LCP2: variants seen among roughly 807,000 people sequenced by gnomAD.
LCP2 encodes 76 kDa tyrosine phosphoprotein.
LCP2 carries 29 observed loss-of-function variants against 74.5 expected under a neutral mutation model. That is an observed-to-expected ratio of 0.39 (90% confidence interval 0.29 to 0.53). LCP2 has a LOEUF of 0.53. LCP2 is among the 20% of genes least tolerant of loss of function. The probability of loss-of-function intolerance (pLI) is 0.72; values close to 1 mark genes in which losing one functional copy is unlikely to be tolerated. For missense variants in LCP2, 604 were observed against 634.6 expected (o/e 0.95, Z 0.52); for synonymous variants, 228 against 229.5 (o/e 0.99, Z 0.06).
At chr5:170,283,392 A>G (rs1762135378) in intron 3 of LCP2, among the ~76,000 whole-genome samples, 1 of 152,190 alleles carries the variant, frequency 6.6e-6, no homozygotes, top group African/African-American at 2.4e-5. Context: ...TTAAGATGAA[A>G]AAGGATCTTC....
Position 170,275,877 on chromosome 5 carries a change from C to A in LCP2, c.189-17G>T, listed in dbSNP as rs1226117206. 11 of 1,552,844 alleles carry A rather than the reference C, an allele frequency of 7.1e-6. No homozygotes were observed. In the Admixed American group the frequency reaches 1.3e-4, roughly 19 times the overall value. On this transcript the variant is annotated splice_polypyrimidine_tract_variant and intron_variant, in intron 3 of 20. Transcript: ENST00000046794. The stretch of plus-strand genomic sequence containing the variant: ...CTGAGAATCCTGCAAGATAAAGAGA[C>A]AGATGAAGAGATAAAACCATCACTC...
chr5:170,266,993 C>A lies in LCP2; in HGVS notation c.688+16G>T, dbSNP rs1761773116. 6.2e-7 allele frequency: 1 copy of A among 1,613,730 alleles called. No individual in the cohort carries two copies. Among genetic ancestry groups the A allele is most frequent in the Non-Finnish European group, 8.5e-7 (1 of 1,179,770 alleles). On this transcript the variant is annotated intron_variant, in intron 9 of 20. Coordinates refer to ENST00000046794, the MANE Select transcript of LCP2 (RefSeq NM_005565.5). Reference sequence around the variant, plus strand: ...CTGGTGGGAACAGGGCAAGAGAGAGCAGCCCTTGTACTCACGCTTTGCCGT... The same window carrying A: ...CTGGTGGGAACAGGGCAAGAGAGAGAAGCCCTTGTACTCACGCTTTGCCGT...
At chr5:170,271,636 G>A (rs1171801837) in intron 6 of LCP2, among the ~76,000 whole-genome samples, 1 of 151,950 alleles carries the variant, frequency 6.6e-6, no homozygotes, top group African/African-American at 2.4e-5. Flanking sequence ...CCGAGGTGCT[G>A]GATGCTTGCC....
intron 3 of LCP2, among the ~76,000 whole-genome samples, chr5:170,280,210 TCA>T (rs1324237176): frequency 6.6e-6 from 1 of 151,880 alleles, no homozygotes; most frequent in African/African-American, 2.4e-5. Context: ...TTCCCTGGGC[TCA>T]GATTTCAGAC....
intron 14 of LCP2, among the ~76,000 whole-genome samples, 155 bp from the exon 15 acceptor site, chr5:170,259,033 T>C (rs567733681): frequency 2.0e-5 from 3 of 152,366 alleles, no homozygotes; most frequent in South Asian, 2.1e-4. Flanking sequence ...TGGAGAATAA[T>C]AGAAGTTGCT....
At chr5:170,292,340 G>A (rs1762307643) in intron 2 of LCP2, among the ~76,000 whole-genome samples, 1 of 152,166 alleles carries the variant, frequency 6.6e-6, no homozygotes, top group Admixed American at 6.5e-5. Flanking sequence ...TGCCTAGAAA[G>A]GGGCAGATGA....
At chr5:170,290,936 GAAGAAAGA>G (rs1230195624) in intron 2 of LCP2, among the ~76,000 whole-genome samples, 1 of 125,410 alleles carries the variant, frequency 8.0e-6, no homozygotes, top group Admixed American at 8.6e-5. Context: ...GAGAGAGAAA[GAAGAAAGA>G]AAGAAAGAAA....
In LCP2 at chr5:170,253,169, G is replaced by C; in HGVS notation, c.1195C>G (p.Pro399Ala). The part of the protein sequence containing the change: ...PPIRAEGRNF[P>A]LPLPNKPRPP... The stretch of plus-strand genomic sequence containing the variant: ...CGAGGTTTGTTTGGAAGTGGCAAGG[G>C]GAAGTTTCTGCCTTCGGCTCTGATA... The change falls in exon 18 of 21, where the codon CCC becomes GCC. Residue 399 changes from proline to alanine, a missense_variant. By Grantham distance (27) the Pro-to-Ala change is conservative (BLOSUM62 -1). Transcript: ENST00000046794. 1 of 1,612,072 alleles carries C rather than the reference G, an allele frequency of 6.2e-7. No individual in the cohort carries two copies. Among genetic ancestry groups the C allele is most frequent in the Non-Finnish European group, 8.5e-7 (1 of 1,179,090 alleles).
intron 5 of LCP2, among the ~76,000 whole-genome samples, chr5:170,274,909 A>G (rs1004218953): frequency 1.7e-4 from 25 of 151,292 alleles, no homozygotes; most frequent in Non-Finnish European, 3.2e-4. Context: ...CCCGGGAGGC[A>G]GAGCTTGCAG....
In LCP2 at chr5:170,247,128, T is replaced by A. The variant is rs1362229816; in HGVS notation, c.*1569A>T. The A allele has an allele frequency of 1.3e-5, 2 of 152,236 alleles. No individual in the cohort carries two copies. Among genetic ancestry groups the A allele is most frequent in the African/African-American group, 4.8e-5 (2 of 41,466 alleles). The allele number at this position is 152,236 out of a possible 1,614,324, so 9.4% of individuals were successfully genotyped here. On this transcript the variant is annotated 3_prime_UTR_variant, in exon 21 of 21. Coordinates refer to ENST00000046794, the MANE Select transcript of LCP2 (RefSeq NM_005565.5). ...CGATACTAGAACCTATGGTGTATGCTATCCTTACTACCTTGTACCTAGCTC... is the reference window on the plus strand; with the variant it reads ...CGATACTAGAACCTATGGTGTATGCAATCCTTACTACCTTGTACCTAGCTC...
chr5:170,273,590 C>T (rs315738), intron 6 of LCP2, among the ~76,000 whole-genome samples: 2,403 of 152,212 alleles, frequency 0.016, 62 homozygotes, highest in African/African-American at 0.054. Flanking sequence ...ACGCACGTCA[C>T]GTTCTGCTCT....
chr5:170,280,823 C>T (rs1158263493), intron 3 of LCP2, among the ~76,000 whole-genome samples: 1 of 152,116 alleles, frequency 6.6e-6, no homozygotes, highest in Non-Finnish European at 1.5e-5. Flanking sequence ...GCCTGGCCAA[C>T]ATGGCAAAAC....
intron 6 of LCP2, chr5:170,273,988 A>G: frequency 2.6e-6 from 1 of 381,396 alleles, no homozygotes; most frequent in Non-Finnish European, 4.9e-6. Context: ...GCCTAGGGCC[A>G]CGTGCAGCCT....
rs1348875513 is a variant in LCP2, at chr5:170,248,733, G to A, written c.1566C>T (p.Tyr522=). ...CTGCAGCATGCGTTAATGTGCACTG[G>A]TATCTGGAACCTCGGTTTTTCCCAT... The part of the protein sequence containing the change: ...LIDGKNRGSR[Y]QCTLTHAAGY... Residue 522 remains tyrosine, a synonymous_variant, in exon 21 of 21, where the codon TAC becomes TAT. Coordinates refer to ENST00000046794, the MANE Select transcript of LCP2 (RefSeq NM_005565.5). 6.2e-7 allele frequency: 1 copy of A among 1,611,070 alleles called. No homozygotes were observed. The highest frequency in any genetic ancestry group is 8.5e-7 in the Non-Finnish European group (1 of 1,178,976).
At position 170,253,141 on chromosome 5, in the gene LCP2, G is replaced by A; in HGVS notation, c.1223C>T (p.Pro408Leu). 6.2e-7 allele frequency: 1 copy of A among 1,611,232 alleles called. No homozygotes were observed. The highest frequency in any genetic ancestry group is 8.5e-7 in the Non-Finnish European group (1 of 1,178,522). ...FPLPLPNKPR[P>L]PSPAEEENSL... ...TACCTCTTCCTCCGCGGGGGATGGG[G>A]GCCGAGGTTTGTTTGGAAGTGGCAA... The change falls in exon 18 of 21, where the codon CCC becomes CTC. Residue 408 changes from proline to leucine, a missense_variant. By Grantham distance (98) the Pro-to-Leu change is moderately conservative (BLOSUM62 -3). Transcript: ENST00000046794.
In LCP2 at chr5:170,250,892, A is replaced by G. The variant is rs1226062150; in HGVS notation, c.1324-7T>C. 6.2e-7 allele frequency: 1 copy of G among 1,612,332 alleles called. No homozygotes were observed. The highest frequency in any genetic ancestry group is 1.1e-5 in the South Asian group (1 of 90,988). ...TGACCAGAAATGTGCCATCCTAAAA[A>G]GACAAATTCCTGTTATTATGGGAGC... is the stretch of plus-strand genomic sequence containing the variant. On this transcript the variant is annotated splice_polypyrimidine_tract_variant and splice_region_variant and intron_variant, in intron 19 of 20. Transcript: ENST00000046794.
At chr5:170,258,791 C>A in intron 15 of LCP2, 75 bp downstream of exon 15, 1 of 1,085,548 alleles carries the variant, frequency 9.2e-7, no homozygotes, top group Non-Finnish European at 1.4e-6. Context: ...CTGTACTAAA[C>A]AATTCCACTT....
chr5:170,287,477 A>C (rs1762202138), intron 3 of LCP2, among the ~76,000 whole-genome samples: 1 of 152,250 alleles, frequency 6.6e-6, no homozygotes, highest in African/African-American at 2.4e-5. Flanking sequence ...ATGATCAATC[A>C]CAGCTCCCTT....
At chr5:170,289,671 T>TTCTTTCTTTCTTTC (rs1554141414) in intron 2 of LCP2, among the ~76,000 whole-genome samples, 96 of 84,110 alleles carry the variant, frequency 1.1e-3, no homozygotes, top group East Asian at 2.7e-3. Context: ...CTTTCTTTCT[T>TTCTTTCTTTCTTTC]TCTCTCTCTC....
Sources: allele counts gnomAD v4.1 joint callset (sites outside exome capture counted in the v4.1 genomes callset), GRCh38; gene constraint gnomAD v4.1.1; transcripts MANE v1.5; gene names NCBI Gene and HGNC (gene_info 2026-07-23, HGNC 2026-07-21).